The following GNA14 variants were observed in gnomAD, a reference collection of about 807,000 sequenced individuals.
The protein encoded by GNA14 is G protein subunit alpha 14.
In GNA14, 50 loss-of-function variants were observed where a neutral mutation model predicts 42.0. The ratio of observed to expected loss-of-function variants is 1.19; its 90% CI spans 0.95 to 1.51. The LOEUF (loss-of-function observed/expected upper bound fraction) is 1.51. GNA14 is among the 40% of genes most tolerant of loss of function. The pLI, the probability that GNA14 is intolerant of heterozygous loss-of-function variation, is 0.00. For synonymous variants in GNA14, 173 were observed against 163.1 expected (o/e 1.06, Z -0.46); for missense variants, 473 against 446.2 (o/e 1.06, Z -0.54).
chr9:77,611,359 T>C (rs1330109178), intron 1 of GNA14, among the ~76,000 whole-genome samples: 1 of 152,228 alleles, frequency 6.6e-6, no homozygotes, highest in Non-Finnish European at 1.5e-5. Flanking sequence ...GATGCCTGAA[T>C]GCTCAATGCT....
At chr9:77,474,084 A>G (rs1190972402) in intron 2 of GNA14, among the ~76,000 whole-genome samples, 1 of 152,170 alleles carries the variant, frequency 6.6e-6, no homozygotes, top group African/African-American at 2.4e-5. Context: ...AATCTTTTTG[A>G]CCTTTGGTTA....
chr9:77,462,568 A>T (rs1164973440), intron 2 of GNA14, among the ~76,000 whole-genome samples: 1 of 152,000 alleles, frequency 6.6e-6, no homozygotes, highest in African/African-American at 2.4e-5. Context: ...AAATACAAAA[A>T]TTAGATGCTG....
chr9:77,643,343 G>A (rs748919805), intron 1 of GNA14, among the ~76,000 whole-genome samples: 12 of 151,464 alleles, frequency 7.9e-5, no homozygotes, highest in Non-Finnish European at 1.6e-4. Flanking sequence ...AGGTTCAAGC[G>A]ATTATCTTGC....
At chr9:77,427,290 T>C (rs1835468364) in intron 5 of GNA14, among the ~76,000 whole-genome samples, 1 of 150,832 alleles carries the variant, frequency 6.6e-6, no homozygotes, top group Non-Finnish European at 1.5e-5. Flanking sequence ...TTTGCAGCTA[T>C]TTTTTTTATA....
chr9:77,551,778 A>T (rs1344557472), intron 1 of GNA14, among the ~76,000 whole-genome samples: 1 of 152,022 alleles, frequency 6.6e-6, no homozygotes, highest in East Asian at 1.9e-4. Flanking sequence ...TTCATTCTTC[A>T]TGGCTCATTT....
chr9:77,603,792 C>T (rs528889367), intron 1 of GNA14, among the ~76,000 whole-genome samples: 5 of 151,628 alleles, frequency 3.3e-5, no homozygotes, highest in Non-Finnish European at 5.9e-5. Flanking sequence ...GGTGAAACCC[C>T]GTCTCCACTA....
intron 1 of GNA14, among the ~76,000 whole-genome samples, chr9:77,578,236 A>AT (rs1331668980): frequency 6.6e-6 from 1 of 152,218 alleles, no homozygotes; most frequent in African/African-American, 2.4e-5. Flanking sequence ...AGATCGTGCC[A>AT]TTACACTCCA....
At chr9:77,586,858 A>G (rs1199926395) in intron 1 of GNA14, among the ~76,000 whole-genome samples, 3 of 152,160 alleles carry the variant, frequency 2.0e-5, no homozygotes, top group Non-Finnish European at 4.4e-5. Context: ...TGGAACCTCC[A>G]TGTTGAACAC....
chr9:77,436,114 A>G (rs538528313), intron 2 of GNA14, among the ~76,000 whole-genome samples: 50 of 152,318 alleles, frequency 3.3e-4, no homozygotes, highest in African/African-American at 1.2e-3. Flanking sequence ...CATCCTAACC[A>G]AGGACTGTGA....
At chr9:77,547,654 C>A (rs7046214) in intron 1 of GNA14, among the ~76,000 whole-genome samples, 50,187 of 152,024 alleles carry the variant, frequency 0.33, 11,270 homozygotes, top group African/African-American at 0.64. Flanking sequence ...TTTTTCTTGG[C>A]ACTAAAGAGC....
At chr9:77,533,823 C>T (rs1201145822) in intron 1 of GNA14, among the ~76,000 whole-genome samples, 2 of 152,204 alleles carry the variant, frequency 1.3e-5, no homozygotes, top group Non-Finnish European at 2.9e-5. Context: ...TTGGCACATA[C>T]AGATAATTTC....
intron 1 of GNA14, among the ~76,000 whole-genome samples, chr9:77,615,663 T>TA (rs1823799681): frequency 6.6e-6 from 1 of 150,736 alleles, no homozygotes; most frequent in Non-Finnish European, 1.5e-5. Context: ...TTTCTGTACT[T>TA]AGACCATCCC....
chr9:77,637,517 T>C (rs905360751), intron 1 of GNA14, among the ~76,000 whole-genome samples: 1 of 152,212 alleles, frequency 6.6e-6, no homozygotes, highest in Non-Finnish European at 1.5e-5. Context: ...ACCCTATAAT[T>C]TTCTTAAATT....
At chr9:77,477,757 T>C (rs1197861872) in intron 2 of GNA14, among the ~76,000 whole-genome samples, 1 of 152,146 alleles carries the variant, frequency 6.6e-6, no homozygotes, top group African/African-American at 2.4e-5. Flanking sequence ...CTTATAATTA[T>C]TATCTCCAAG....
chr9:77,519,785 T>C (rs1199653180), intron 2 of GNA14, among the ~76,000 whole-genome samples: 1 of 151,978 alleles, frequency 6.6e-6, no homozygotes, highest in Non-Finnish European at 1.5e-5. Flanking sequence ...CTGAGGTGGG[T>C]GCACACCTGA....
chr9:77,555,632 A>C (rs1179158552), intron 1 of GNA14, among the ~76,000 whole-genome samples: 1 of 152,216 alleles, frequency 6.6e-6, no homozygotes, highest in Non-Finnish European at 1.5e-5. Context: ...TGTTCTTTCA[A>C]CTTTCCTGCA....
intron 2 of GNA14, among the ~76,000 whole-genome samples, chr9:77,441,568 T>C (rs1214741712): frequency 6.6e-6 from 1 of 152,194 alleles, no homozygotes; most frequent in African/African-American, 2.4e-5. Context: ...TGTGCAAGCT[T>C]TGTAAAAATA....
chr9:77,452,644 TTGTGTTTGTG>T (rs1205660687), intron 2 of GNA14, among the ~76,000 whole-genome samples: 4 of 1,112 alleles, frequency 3.6e-3, no homozygotes, highest in African/African-American at 0.023. Flanking sequence ...GTGTGTGTGT[TTGTGTTTGTG>T]TGTGTGTCTG....
At chr9:77,440,476 A>G (rs1835713954) in intron 2 of GNA14, among the ~76,000 whole-genome samples, 1 of 152,224 alleles carries the variant, frequency 6.6e-6, no homozygotes, top group African/African-American at 2.4e-5. Context: ...CAATTAAGCT[A>G]GAGTCCTTGT....
Sources: allele counts gnomAD v4.1 joint callset (sites outside exome capture counted in the v4.1 genomes callset), GRCh38; gene constraint gnomAD v4.1.1; transcripts MANE v1.5; gene names NCBI Gene and HGNC (gene_info 2026-07-23, HGNC 2026-07-21).